Variants in PTPRK observed in about 807,000 individuals in gnomAD.
PTPRK encodes protein tyrosine phosphatase receptor type K.
Under a neutral mutation model 178.0 loss-of-function variants are expected in PTPRK, and 75 were observed. That is an observed-to-expected ratio of 0.42 (90% CI 0.35 to 0.51). The LOEUF (loss-of-function observed/expected upper bound fraction) is 0.51. Among genes scored for constraint, PTPRK ranks in the 20% least tolerant of loss-of-function variants. PTPRK has a pLI of 0.02. For missense variants in PTPRK, 1,441 were observed against 1,797.8 expected (o/e 0.80, Z 3.59); for synonymous variants, 637 against 620.6 (o/e 1.03, Z -0.39).
chr6:128,424,230 C>T (rs1429526591), intron 1 of PTPRK, among the ~76,000 whole-genome samples: 1 of 152,072 alleles, frequency 6.6e-6, no homozygotes, highest in Admixed American at 6.6e-5. Context: ...GAGACCCTGT[C>T]TCTTAAAACA....
Position 127,969,785 on chromosome 6 carries a change from C to A in PTPRK, c.*442G>T, listed in dbSNP as rs1045916549. ...TGCTACACTGGAAACATATAAAAAA[C>A]GAACTTTACTATGAATTTGCACAGC... On this transcript the variant is annotated 3_prime_UTR_variant, in exon 30 of 30. Coordinates refer to ENST00000368226, the MANE Select transcript of PTPRK (RefSeq NM_002844.4). 6.6e-6 allele frequency: 1 copy of A among 152,064 alleles called. No homozygotes were observed. Among genetic ancestry groups the A allele is most frequent in the South Asian group, 2.1e-4 (1 of 4,826 alleles). 9.4% of individuals were successfully genotyped at this position (152,064 alleles called of 1,614,324 possible).
intron 7 of PTPRK, among the ~76,000 whole-genome samples, chr6:128,099,877 A>G (rs1479681684): frequency 3.9e-5 from 6 of 152,086 alleles, no homozygotes; most frequent in Non-Finnish European, 8.8e-5. Context: ...GAGATTAGAC[A>G]GCCTTGATTA....
At chr6:128,350,792 A>G (rs1833013340) in intron 2 of PTPRK, among the ~76,000 whole-genome samples, 1 of 152,158 alleles carries the variant, frequency 6.6e-6, no homozygotes, top group Non-Finnish European at 1.5e-5. Flanking sequence ...GCAAGCTTAT[A>G]TTACCTGTTA....
chr6:128,018,813 G>C (rs1176733359), intron 13 of PTPRK, among the ~76,000 whole-genome samples: 3 of 152,024 alleles, frequency 2.0e-5, no homozygotes, highest in Admixed American at 1.3e-4. Context: ...ATGGAGGGAA[G>C]TCTACTTTCT....
chr6:128,025,504 A>G (rs1774155449), intron 13 of PTPRK, among the ~76,000 whole-genome samples: 1 of 152,258 alleles, frequency 6.6e-6, no homozygotes, highest in Admixed American at 6.5e-5. Flanking sequence ...AACTGCATCT[A>G]AAAGAAAAAG....
chr6:128,354,337 AC>A (rs1304863733), intron 2 of PTPRK, among the ~76,000 whole-genome samples: 1 of 134,654 alleles, frequency 7.4e-6, no homozygotes, highest in African/African-American at 2.8e-5. Flanking sequence ...TCCTGGGTTC[AC>A]ACCATTCTCC....
chr6:128,194,345 C>A (rs1384514394), intron 6 of PTPRK, among the ~76,000 whole-genome samples: 1 of 152,028 alleles, frequency 6.6e-6, no homozygotes, highest in Non-Finnish European at 1.5e-5. Flanking sequence ...CTCAGCCTCC[C>A]AAAGTGCTGG....
chr6:128,341,356 T>G (rs1245946521), intron 2 of PTPRK, among the ~76,000 whole-genome samples: 4 of 152,204 alleles, frequency 2.6e-5, no homozygotes, highest in Admixed American at 6.5e-5. Context: ...GCATTCACAT[T>G]GTAGTTTGAA....
At chr6:128,447,093 A>G (rs1847130826) in intron 1 of PTPRK, among the ~76,000 whole-genome samples, 1 of 152,178 alleles carries the variant, frequency 6.6e-6, no homozygotes, top group Admixed American at 6.5e-5. Flanking sequence ...AATGTTTATC[A>G]TCCCACTTTA....
intron 1 of PTPRK, among the ~76,000 whole-genome samples, chr6:128,425,079 CTTTT>C (rs1157646907): frequency 2.2e-5 from 3 of 134,066 alleles, no homozygotes; most frequent in Admixed American, 7.4e-5. Context: ...AATGTGTAGT[CTTTT>C]TTTTTTTTTT....
intron 12 of PTPRK, 71 bp downstream of exon 12, chr6:128,067,448 T>G: frequency 1.4e-6 from 2 of 1,400,002 alleles, no homozygotes; most frequent in Non-Finnish European, 1.9e-6. Context: ...CGGATGCTAC[T>G]GAGTATTCAT....
rs1840479608 is a variant in PTPRK, at chr6:128,397,554, A to C, written c.223+12T>G. 6.2e-7 allele frequency: 1 copy of C among 1,613,872 alleles called. No individual in the cohort carries two copies. Among genetic ancestry groups the C allele is most frequent in the African/African-American group, 1.3e-5 (1 of 75,006 alleles). The stretch of plus-strand genomic sequence containing the variant: ...TATTCCCCCAACACTGACTAAACAG[A>C]GTGACTCTCACCTTGGGGCATCTCG... On this transcript the variant is annotated intron_variant, in intron 2 of 29. Transcript: ENST00000368226.
chr6:128,368,056 C>T (rs2128346691), intron 2 of PTPRK, among the ~76,000 whole-genome samples: 1 of 152,256 alleles, frequency 6.6e-6, no homozygotes, highest in Non-Finnish European at 1.5e-5. Flanking sequence ...GATGTCCTCT[C>T]ATTCCAAAAT....
At position 128,296,744 on chromosome 6, in the gene PTPRK, C is replaced by A. The variant is rs542811459; in HGVS notation, c.495+25295G>T. Among the ~76,000 whole-genome samples, 848 of 152,238 alleles carry A rather than the reference C, an allele frequency of 5.6e-3. 4 individuals carry two copies. The highest frequency in any genetic ancestry group is 0.025 in the South Asian group (119 of 4,826). Reference sequence around the variant, plus strand: ...AGGAAGCCCTAAACATGGAAAGGAACAACCGGTACCAGCCACTGCAAAATC... The same window carrying A: ...AGGAAGCCCTAAACATGGAAAGGAAAAACCGGTACCAGCCACTGCAAAATC... On this transcript the variant is annotated intron_variant, in intron 3 of 29. Coordinates refer to ENST00000368226, the MANE Select transcript of PTPRK (RefSeq NM_002844.4).
intron 2 of PTPRK, among the ~76,000 whole-genome samples, chr6:128,329,828 G>A (rs1830035326): frequency 6.6e-6 from 1 of 151,986 alleles, no homozygotes; most frequent in South Asian, 2.1e-4. Context: ...TAATATTCGG[G>A]CACCCTATCG....
intron 3 of PTPRK, among the ~76,000 whole-genome samples, chr6:128,266,568 AT>A (rs1818985318): frequency 6.6e-6 from 1 of 152,130 alleles, no homozygotes; most frequent in Non-Finnish European, 1.5e-5. Context: ...TCCTTCTTCT[AT>A]GAATTTTCAT....
chr6:128,344,135 A>T (rs1832072184), intron 2 of PTPRK, among the ~76,000 whole-genome samples: 1 of 152,192 alleles, frequency 6.6e-6, no homozygotes, highest in South Asian at 2.1e-4. Flanking sequence ...TATCTCAGCA[A>T]TACTGCCTTG....
chr6:128,087,966 T>C (rs185032165), intron 8 of PTPRK, among the ~76,000 whole-genome samples: 1 of 152,280 alleles, frequency 6.6e-6, no homozygotes, highest in Non-Finnish European at 1.5e-5. Context: ...ATAACCTCTT[T>C]TATGGCAAGC....
intron 27 of PTPRK, among the ~76,000 whole-genome samples, chr6:127,974,493 G>A (rs1774297134): frequency 1.3e-5 from 2 of 152,130 alleles, no homozygotes; most frequent in South Asian, 4.1e-4. Context: ...TGACCAACTT[G>A]TCCCAGGTTG....
Sources: allele counts gnomAD v4.1 joint callset (sites outside exome capture counted in the v4.1 genomes callset), GRCh38; gene constraint gnomAD v4.1.1; transcripts MANE v1.5; gene names NCBI Gene and HGNC (gene_info 2026-07-23, HGNC 2026-07-21).